FYB2: variants seen among roughly 807,000 people sequenced by gnomAD.
FYB2 encodes the protein FYN binding protein 2, also known as FYN-binding protein 2.
FYB2 carries 103 observed loss-of-function variants against 94.1 expected under a neutral mutation model. The ratio of observed to expected loss-of-function variants is 1.09; its 90% CI spans 0.93 to 1.29. FYB2 has a LOEUF of 1.29. Among genes scored for constraint, FYB2 ranks in the 50% most tolerant of loss-of-function variants. The probability of loss-of-function intolerance (pLI) is 0.00; values close to 1 mark genes in which losing one functional copy is unlikely to be tolerated. For missense variants in FYB2, 896 were observed against 841.5 expected, an observed-to-expected ratio of 1.06 and a Z score of -0.80; for synonymous variants, 293 against 287.9, an observed-to-expected ratio of 1.02 and a Z score of -0.18.
intron 1 of FYB2, among the ~76,000 whole-genome samples, chr1:56,815,782 AC>A (rs1347313644): frequency 6.6e-6 from 1 of 152,024 alleles, no homozygotes; most frequent in Non-Finnish European, 1.5e-5. Context: ...TTCAACTACA[AC>A]TCCAATGCTC....
chr1:56,822,560 G>A (rs1362053411), upstream of FYB2, among the ~76,000 whole-genome samples: 2 of 152,080 alleles, frequency 1.3e-5, no homozygotes, highest in South Asian at 2.1e-4. Context: ...TCCATTCTTC[G>A]GGGAACTGAG....
chr1:56,745,346 T>C (rs1331165184), intron 9 of FYB2, among the ~76,000 whole-genome samples: 2 of 152,062 alleles, frequency 1.3e-5, no homozygotes, highest in African/African-American at 4.8e-5. Flanking sequence ...CTTTTGGTTG[T>C]CTAAACATAT....
In FYB2 at chr1:56,811,716, G is replaced by A. The variant is rs113860799; in HGVS notation, c.9+7566C>T. Among the ~76,000 whole-genome samples, 631 of 152,218 alleles carry A rather than the reference G, an allele frequency of 4.1e-3. 2 individuals are homozygous for A. Among genetic ancestry groups the A allele is most frequent in the Middle Eastern group, 6.8e-3 (2 of 294 alleles). ...GAGACTCCCAATCCAATGCTATTTC[G>A]TCCAAACCACAACTTGGAGAAAAGG... On this transcript the variant is annotated intron_variant, in intron 1 of 19. Coordinates refer to ENST00000343433, the MANE Select transcript of FYB2 (RefSeq NM_001004303.5).
chr1:56,744,131 A>C, intron 10 of FYB2, 21 bp downstream of exon 10: 1 of 1,611,862 alleles, frequency 6.2e-7, no homozygotes, highest in Non-Finnish European at 8.5e-7. Context: ...CATCTTGCTG[A>C]AAGACTGGAA....
intron 4 of FYB2, among the ~76,000 whole-genome samples, chr1:56,782,983 C>T (rs1646043423): frequency 6.6e-6 from 1 of 152,158 alleles, no homozygotes; most frequent in South Asian, 2.1e-4. Context: ...CTACTTTGCT[C>T]ACACAAATAG....
Position 56,787,417 on chromosome 1 carries a change from A to G in FYB2, c.920-209T>C, listed in dbSNP as rs556731421. 2.2e-4 allele frequency among the ~76,000 whole-genome samples: 33 copies of G among 152,300 alleles called. No individual in the cohort carries two copies. The East Asian group carries it at 6.2e-3, about 28-fold the overall frequency. On this transcript the variant is annotated intron_variant, in intron 3 of 19. Coordinates refer to ENST00000343433, the MANE Select transcript of FYB2 (RefSeq NM_001004303.5). ...CCCACACTTTACAGTACAATTTCTT[A>G]TTTATGGGTACAATCTCTTGCATTA...
intron 17 of FYB2, among the ~76,000 whole-genome samples, chr1:56,723,179 T>G (rs1422533001): frequency 6.6e-6 from 1 of 151,476 alleles, no homozygotes; most frequent in African/African-American, 2.4e-5. Flanking sequence ...CAAAAAGGAC[T>G]CAAGAGATTA....
chr1:56,726,813 G>A (rs902849156), intron 15 of FYB2, among the ~76,000 whole-genome samples: 6 of 152,040 alleles, frequency 3.9e-5, no homozygotes, highest in African/African-American at 1.4e-4. Context: ...ACAGAAACAA[G>A]TGGCAGGCCA....
intron 6 of FYB2, 48 bp from the exon 7 acceptor site, chr1:56,755,975 A>G: frequency 4.5e-6 from 7 of 1,563,522 alleles, no homozygotes; most frequent in Non-Finnish European, 6.2e-6. Flanking sequence ...AACCTGAATC[A>G]GGCTCTGTTG....
chr1:56,763,886 ACT>A (rs1645560315), intron 5 of FYB2, among the ~76,000 whole-genome samples: 1 of 146,828 alleles, frequency 6.8e-6, no homozygotes, highest in Non-Finnish European at 1.5e-5. Context: ...TTTGATTATG[ACT>A]CTTCGCGAGA....
intron 1 of FYB2, among the ~76,000 whole-genome samples, chr1:56,804,017 G>A (rs1186733125): frequency 1.3e-5 from 2 of 152,148 alleles, no homozygotes; most frequent in Non-Finnish European, 2.9e-5. Flanking sequence ...TAGAAGCTCC[G>A]AGGAGTCCAT....
intron 1 of FYB2, among the ~76,000 whole-genome samples, chr1:56,809,228 C>T (rs1015542052): frequency 3.3e-5 from 5 of 152,202 alleles, no homozygotes; most frequent in African/African-American, 9.6e-5. Context: ...AGAGATCATT[C>T]GTTCAATTAC....
intron 9 of FYB2, among the ~76,000 whole-genome samples, chr1:56,750,362 A>ACTG (rs1369814993): frequency 6.6e-6 from 1 of 151,978 alleles, no homozygotes; most frequent in Non-Finnish European, 1.5e-5. Context: ...AGATCCTATG[A>ACTG]CTGTGGCCGT....
At chr1:56,720,620 C>A (rs538083646) in intron 17 of FYB2, 8 of 218,828 alleles carry the variant, frequency 3.7e-5, no homozygotes, top group East Asian at 3.6e-4. Context: ...TAAAATTATT[C>A]TTTTTAGGTA....
At chr1:56,825,345 A>G in the FYB2 span, among the ~76,000 whole-genome samples, 1 of 152,162 alleles carries the variant, frequency 6.6e-6, no homozygotes, top group African/African-American at 2.4e-5. Context: ...GAAGAGTGCT[A>G]TAAACAAGCA....
intron 5 of FYB2, among the ~76,000 whole-genome samples, chr1:56,764,099 C>T (rs1052734370): frequency 5.3e-5 from 8 of 150,374 alleles, no homozygotes; most frequent in Admixed American, 1.3e-4. Flanking sequence ...TACAGGTGTC[C>T]ACTGCCACAC....
rs1329046054 is a variant in FYB2, at chr1:56,792,071, C to T, written c.742G>A (p.Ala248Thr). The change falls in exon 2 of 20, where the codon GCC becomes ACC. Residue 248 changes from alanine to threonine, a missense_variant. Transcript: ENST00000343433. ...PCQPIYECEL[A>T]SQAPEKQPDV... ...CGTTTGTTACCTGGGGCCTGACTGG[C>T]AAGCTCACACTCATAGATGGGCTGG... The T allele has an allele frequency of 2.5e-6, 4 of 1,585,190 alleles. No homozygotes were observed. Among genetic ancestry groups the T allele is most frequent in the Non-Finnish European group, 3.4e-6 (4 of 1,169,224 alleles).
At chr1:56,722,279 A>G (rs1389351833) in intron 17 of FYB2, among the ~76,000 whole-genome samples, 1 of 152,098 alleles carries the variant, frequency 6.6e-6, no homozygotes, top group Non-Finnish European at 1.5e-5. Flanking sequence ...ATTTTAGTTC[A>G]TCTCAAAAAA....
chr1:56,747,451 C>T (rs573603050), intron 9 of FYB2, among the ~76,000 whole-genome samples: 1 of 152,080 alleles, frequency 6.6e-6, no homozygotes, highest in Non-Finnish European at 1.5e-5. Context: ...GTTCCCTTCC[C>T]TGTGTACATG....
Sources: allele counts gnomAD v4.1 joint callset (sites outside exome capture counted in the v4.1 genomes callset), GRCh38; gene constraint gnomAD v4.1.1; transcripts MANE v1.5; gene names NCBI Gene and HGNC (gene_info 2026-07-23, HGNC 2026-07-21).